The following FANCI variants were observed in gnomAD, a reference collection of about 807,000 sequenced individuals.
FANCI encodes FA complementation group I.
In FANCI, 156 loss-of-function variants were observed where a neutral mutation model predicts 176.1. The ratio of observed to expected loss-of-function variants is 0.89; its 90% CI spans 0.78 to 1.01. FANCI has a LOEUF of 1.01. Ranked by LOEUF, FANCI falls within the 50% of genes least tolerant of loss-of-function variation. FANCI has a pLI of 0.00. For synonymous variants in FANCI, 613 were observed against 541.7 expected, an observed-to-expected ratio of 1.13 and a Z score of -1.83; for missense variants, 1,678 against 1,534.1, an observed-to-expected ratio of 1.09 and a Z score of -1.57.
Position 89,293,996 on chromosome 15 carries a change from A to C in FANCI, c.2455A>C (p.Arg819=). The part of the protein sequence containing the change: ...FVSSLLTALF[R]DSIQSHQESL... ...GTCCAGTCTTCTCACTGCTCTTTTCAGGTAAGGTTCTGCTAGAGTGCTTAA... is the reference window on the plus strand; with the variant it reads ...GTCCAGTCTTCTCACTGCTCTTTTCCGGTAAGGTTCTGCTAGAGTGCTTAA... Residue 819 remains arginine, a splice_region_variant and synonymous_variant, in exon 23 of 38, where the codon AGG becomes CGG. Transcript: ENST00000310775. 6.2e-7 allele frequency: 1 copy of C among 1,614,120 alleles called. No individual in the cohort carries two copies. The highest frequency in any genetic ancestry group is 8.5e-7 in the Non-Finnish European group (1 of 1,179,984).
chr15:89,251,219 T>A (rs902929705), intron 2 of FANCI, among the ~76,000 whole-genome samples: 1 of 152,234 alleles, frequency 6.6e-6, no homozygotes, highest in Non-Finnish European at 1.5e-5. Flanking sequence ...AGGAAATGGA[T>A]AATTTCTTAG....
chr15:89,247,674 A>G lies in FANCI; in HGVS notation c.27A>G (p.Ala9=). 1.2e-6 allele frequency: 2 copies of G among 1,614,076 alleles called. No homozygotes were observed. The highest frequency in any genetic ancestry group is 1.7e-4 in the Middle Eastern group (1 of 6,058). Residue 9 remains alanine (A), a synonymous_variant, in exon 2 of 38, where the codon GCA becomes GCG. Coordinates refer to ENST00000310775, the MANE Select transcript of FANCI (RefSeq NM_001113378.2). MDQKILSL[A]AEKTADKLQE... is the part of the protein sequence containing the mutation. The stretch of plus-strand genomic sequence containing the variant: ...TGGACCAGAAGATTTTATCTCTAGC[A>G]GCAGAAAAAACAGCAGACAAACTGC...
At chr15:89,293,805 T>G (rs2054155386) in intron 22 of FANCI, 28 bp from the exon 23 acceptor site, 2 of 1,608,986 alleles carry the variant, frequency 1.2e-6, no homozygotes, top group Non-Finnish European at 1.7e-6. Context: ...ATGTTTGTCC[T>G]TAGCGGTCTC....
Position 89,305,240 on chromosome 15 carries a change from C to T in FANCI, c.3184C>T (p.Gln1062Ter), listed in dbSNP as rs995746723. 7 of 1,614,178 alleles carry T rather than the reference C, an allele frequency of 4.3e-6. No individual in the cohort carries two copies. The highest frequency in any genetic ancestry group is 5.9e-6 in the Non-Finnish European group (7 of 1,180,042). Residue 1062 changes from glutamine (Q) to a stop codon, truncating the protein, a stop_gained and splice_region_variant, in exon 29 of 38, where the codon CAG becomes TAG. Coordinates refer to ENST00000310775, the MANE Select transcript of FANCI (RefSeq NM_001113378.2). LOFTEE classifies it high-confidence loss of function. ...DIHGHLGDID[Q>*]DVEVEKTNHF... ...CCACGGGCATCTGGGAGATATAGAC[C>T]AGGTACTATAATGAGCCTTCAGTAC... is the stretch of plus-strand genomic sequence containing the variant.
intron 27 of FANCI, among the ~76,000 whole-genome samples, chr15:89,302,736 G>C (rs1372275556): frequency 6.6e-6 from 1 of 151,964 alleles, no homozygotes; most frequent in African/African-American, 2.4e-5. Flanking sequence ...ACAACACCCG[G>C]CTAATTTTTT....
At chr15:89,267,967 G>A (rs1377516340) in intron 9 of FANCI, among the ~76,000 whole-genome samples, 1 of 152,154 alleles carries the variant, frequency 6.6e-6, no homozygotes, top group African/African-American at 2.4e-5. Context: ...ACAGACAGGA[G>A]CAGAAAATTG....
At chr15:89,272,534 T>C (rs1451305478) in intron 10 of FANCI, among the ~76,000 whole-genome samples, 1 of 152,178 alleles carries the variant, frequency 6.6e-6, no homozygotes, top group Non-Finnish European at 1.5e-5. Context: ...ATGCTTTTGG[T>C]ATTGTATGTA....
At position 89,307,601 on chromosome 15, in the gene FANCI, C is replaced by T. The variant is rs2054775391; in HGVS notation, c.3592-12C>T. ...GCTGGTTACATTGGTTTCCTTCTCC[C>T]TTGTTGTGCAGGTGAAGCTGTCTGG... On this transcript the variant is annotated splice_polypyrimidine_tract_variant and intron_variant, in intron 33 of 37. Transcript: ENST00000310775. The T allele has an allele frequency of 4.3e-6, 7 of 1,614,096 alleles. No homozygotes were observed. The highest frequency in any genetic ancestry group is 1.3e-5 in the African/African-American group (1 of 75,008).
rs116194994 is a variant in FANCI at position 89,317,080 on chromosome 15, C to T, written c.*621C>T. Reference sequence around the variant, plus strand: ...TTTAAAGCACAGTTTGTTTTTCTGTCACCTATAGAGTGCAAGAATGCACTC... The same window carrying T: ...TTTAAAGCACAGTTTGTTTTTCTGTTACCTATAGAGTGCAAGAATGCACTC... On this transcript the variant is annotated 3_prime_UTR_variant, in exon 38 of 38. Transcript: ENST00000310775. 9.7e-4 allele frequency: 574 copies of T among 591,252 alleles called. 5 individuals carry two copies. The highest frequency in any genetic ancestry group is 9.5e-3 in the African/African-American group (511 of 53,804). 36.6% of individuals were successfully genotyped at this position (591,252 alleles called of 1,614,324 possible).
intron 16 of FANCI, chr15:89,282,904 G>C: frequency 1.9e-6 from 1 of 523,966 alleles, no homozygotes; most frequent in Non-Finnish European, 3.5e-6. Flanking sequence ...AGGATAGAAG[G>C]AAGTAGAGTA....
intron 9 of FANCI, among the ~76,000 whole-genome samples, chr15:89,265,232 G>C (rs1275816577): frequency 1.3e-5 from 2 of 152,182 alleles, no homozygotes; most frequent in Non-Finnish European, 2.9e-5. Context: ...TTTTGAGACA[G>C]AGTGTAGCTC....
intron 24 of FANCI, among the ~76,000 whole-genome samples, chr15:89,296,705 T>G (rs2054290695): frequency 6.6e-6 from 1 of 152,190 alleles, no homozygotes; most frequent in Admixed American, 6.5e-5. Flanking sequence ...CAATGAGCTG[T>G]TGGGTACACC....
intron 19 of FANCI, 136 bp downstream of exon 19, chr15:89,290,417 G>A (rs2054016105): frequency 1.4e-6 from 1 of 722,882 alleles, no homozygotes. Flanking sequence ...CTGTGGGTAT[G>A]TTATGCTGTT....
chr15:89,296,214 C>G (rs1254683605), intron 24 of FANCI, among the ~76,000 whole-genome samples: 2 of 151,898 alleles, frequency 1.3e-5, no homozygotes, highest in African/African-American at 4.8e-5. Flanking sequence ...ATCCACCACC[C>G]TGGCCTCCCA....
chr15:89,258,592 G>T lies in FANCI; in HGVS notation c.85-112G>T. The T allele has an allele frequency of 3.7e-6, 3 of 812,570 alleles. No homozygotes were observed. The South Asian group carries it at 4.1e-5, about 11-fold the overall frequency. 50.3% of individuals were successfully genotyped at this position (812,570 alleles called of 1,614,324 possible). On this transcript the variant is annotated intron_variant, in intron 2 of 37. Coordinates refer to ENST00000310775, the MANE Select transcript of FANCI (RefSeq NM_001113378.2). ...AAAATTATGGTGTTTGTAATACTTG[G>T]CGTCTCTGAATGATCTGAACGTGAC...
At chr15:89,249,675 A>G (rs1596211873) in intron 2 of FANCI, among the ~76,000 whole-genome samples, 1 of 152,170 alleles carries the variant, frequency 6.6e-6, no homozygotes, top group African/African-American at 2.4e-5. Flanking sequence ...GAAGATGTAA[A>G]TGAAGGAATA....
At chr15:89,282,938 G>C (rs1207146512) in intron 16 of FANCI, 198 bp from the exon 17 acceptor site, 1 of 600,542 alleles carries the variant, frequency 1.7e-6, no homozygotes, top group Admixed American at 2.6e-5. Context: ...ATTGAAAAAA[G>C]TCAGTTGAAT....
chr15:89,261,536 C>G (rs969306422), intron 4 of FANCI, 49 bp from the exon 5 acceptor site: 2 of 1,608,206 alleles, frequency 1.2e-6, no homozygotes, highest in South Asian at 1.1e-5. Context: ...AAAGATTTAT[C>G]AAACATTGGA....
chr15:89,290,229 T>C lies in FANCI; in HGVS notation c.1838T>C (p.Leu613Pro). ...TCCTCTTAGGGGTTTTATGATGTTC[T>C]TCGAAGGAACTCTCAGCTGGCTAAT... Reference protein sequence around the residue: ...LMLYEGFYDVLRRNSQLANSV... With the variant: ...LMLYEGFYDVPRRNSQLANSV... Residue 613 changes from leucine to proline, a missense_variant, in exon 19 of 38, where the codon CTT becomes CCT. Physicochemically the swap from Leu to Pro is moderately conservative, Grantham distance 98. Coordinates refer to ENST00000310775, the MANE Select transcript of FANCI (RefSeq NM_001113378.2). The C allele has an allele frequency of 6.2e-7, 1 of 1,613,936 alleles. No individual in the cohort carries two copies. Among genetic ancestry groups the C allele is most frequent in the Non-Finnish European group, 8.5e-7 (1 of 1,179,810 alleles).
Sources: allele counts gnomAD v4.1 joint callset (sites outside exome capture counted in the v4.1 genomes callset), GRCh38; gene constraint gnomAD v4.1.1; transcripts MANE v1.5; gene names NCBI Gene and HGNC (gene_info 2026-07-23, HGNC 2026-07-21).